ASXL2: variants seen among roughly 807,000 people sequenced by gnomAD.
The protein encoded by ASXL2 is putative Polycomb group protein ASXL2.
Under a neutral mutation model 122.0 loss-of-function variants are expected in ASXL2, and 23 were observed. That is an observed-to-expected ratio of 0.19 (90% confidence interval 0.14 to 0.27). The LOEUF (loss-of-function observed/expected upper bound fraction) is 0.27, where lower values mean the gene tolerates loss of function less well. Among genes scored for constraint, ASXL2 ranks in the 10% least tolerant of loss-of-function variants. The pLI, the probability that ASXL2 is intolerant of heterozygous loss-of-function variation, is 1.00. For synonymous variants in ASXL2, 650 were observed against 637.0 expected, an observed-to-expected ratio of 1.02 and a Z score of -0.31; for missense variants, 1,518 against 1,713.8, an observed-to-expected ratio of 0.89 and a Z score of 2.02.
At chr2:25,796,507 G>C (rs2088912459) in intron 5 of ASXL2, among the ~76,000 whole-genome samples, 1 of 152,168 alleles carries the variant, frequency 6.6e-6, no homozygotes, top group Non-Finnish European at 1.5e-5. Flanking sequence ...GCAGTAATTA[G>C]GCAATAATTC....
In ASXL2 at chr2:25,744,243, T is replaced by C. The variant is rs1559498547; in HGVS notation, c.2094A>G (p.Gly698=). The change falls in exon 13 of 13, where the codon GGA becomes GGG. Residue 698 remains glycine (G), a synonymous_variant. Transcript: ENST00000435504. This position sits in a 1 kb window ranked among gnomAD's most constrained non-coding sequence, Gnocchi z 4.7. ...CTTCACCACCCTCTCCTGGACCTTG[T>C]CCACCCCCTGGGCCAGGTCCTGGAA... The part of the protein sequence containing the change: ...GTIPGPGPGG[G]QGPGEGGEGQ... 6.2e-7 allele frequency: 1 copy of C among 1,613,984 alleles called. No individual in the cohort carries two copies. The highest frequency in any genetic ancestry group is 8.5e-7 in the Non-Finnish European group (1 of 1,179,874).
chr2:25,811,427 T>C (rs928640386), intron 3 of ASXL2, among the ~76,000 whole-genome samples: 5 of 151,688 alleles, frequency 3.3e-5, no homozygotes, highest in Non-Finnish European at 7.4e-5. Context: ...ACAGAAAATA[T>C]ATGAAGCTAG....
chr2:25,835,089 G>A (rs1470848825), intron 3 of ASXL2, among the ~76,000 whole-genome samples: 1 of 134,338 alleles, frequency 7.4e-6, no homozygotes, highest in Non-Finnish European at 1.6e-5. Flanking sequence ...CTCTCAAAGT[G>A]CTGGGATTAC....
chr2:25,764,373 A>G (rs959879053), intron 8 of ASXL2, among the ~76,000 whole-genome samples: 3 of 152,316 alleles, frequency 2.0e-5, no homozygotes, highest in Non-Finnish European at 2.9e-5. Flanking sequence ...CATTGGAAGG[A>G]GAAGAACTGT....
rs991912431 is a variant in ASXL2 at position 25,860,001 on chromosome 2, T to C, written c.58-14438A>G. Among the ~76,000 whole-genome samples, 11 of 152,222 alleles carry C rather than the reference T, an allele frequency of 7.2e-5. No homozygotes were observed. In the East Asian group the frequency reaches 1.7e-3, roughly 24 times the overall value. The stretch of plus-strand genomic sequence containing the variant: ...GAGTTTGAGACCAGCCTAGGCAACA[T>C]AGCAAAACATTGTCTCTTAAAAATA... On this transcript the variant is annotated intron_variant, in intron 1 of 12. Coordinates refer to ENST00000435504, the MANE Select transcript of ASXL2 (RefSeq NM_018263.6).
rs1312383291 is a variant in ASXL2 at position 25,739,788 on chromosome 2, T to C, written c.*2241A>G. The C allele has an allele frequency of 4.5e-6, 1 of 221,624 alleles. No homozygotes were observed. Among genetic ancestry groups the C allele is most frequent in the East Asian group, 6.6e-5 (1 of 15,230 alleles). The allele number at this position is 221,624 out of a possible 1,614,324, so 13.7% of individuals were successfully genotyped here. ...GAAAACCTTTCTGACAGGAAAAAGG[T>C]AAAGCAGAAAAATCACTTTCATCAA... On this transcript the variant is annotated 3_prime_UTR_variant, in exon 13 of 13. Transcript: ENST00000435504.
intron 1 of ASXL2, 41 bp downstream of exon 1, chr2:25,878,125 C>T: frequency 6.2e-7 from 1 of 1,612,684 alleles, no homozygotes; most frequent in Non-Finnish European, 8.5e-7. Flanking sequence ...GACAAGGGAA[C>T]AAAATCCTCC....
chr2:25,876,647 T>C (rs574735038), intron 1 of ASXL2, among the ~76,000 whole-genome samples: 126 of 152,344 alleles, frequency 8.3e-4, no homozygotes, highest in African/African-American at 2.9e-3. Context: ...TCTTGAGGTA[T>C]ACTGAGAGTA....
rs2088797456 is a variant in ASXL2, at chr2:25,789,460, G to C, written c.403+9925C>G. Among the ~76,000 whole-genome samples, 5 of 152,166 alleles carry C rather than the reference G, an allele frequency of 3.3e-5. 1 individual carries two copies. In the South Asian group the frequency reaches 1.0e-3, roughly 32 times the overall value. ...GTTAGAGTGGTTATTTTGGAGCAAT[G>C]GGTGTGACCAGAAGAGAGCTCAGGG... On this transcript the variant is annotated intron_variant, in intron 5 of 12. Transcript: ENST00000435504.
At position 25,756,117 on chromosome 2, in the gene ASXL2, G is replaced by A; in HGVS notation, c.940-3C>T. Reference sequence around the variant, plus strand: ...TTCATTAAACCATCTGGACCAACCTGGGTCAAAGAATAAGCCAAGGAAAGC... The same window carrying A: ...TTCATTAAACCATCTGGACCAACCTAGGTCAAAGAATAAGCCAAGGAAAGC... On this transcript the variant is annotated splice_region_variant and splice_polypyrimidine_tract_variant and intron_variant, in intron 9 of 12. Transcript: ENST00000435504. The A allele has an allele frequency of 2.5e-6, 4 of 1,574,124 alleles. No homozygotes were observed. Among genetic ancestry groups the A allele is most frequent in the African/African-American group, 1.4e-5 (1 of 72,608 alleles).
chr2:25,828,024 C>T (rs2089399152), intron 3 of ASXL2, among the ~76,000 whole-genome samples: 1 of 146,112 alleles, frequency 6.8e-6, no homozygotes, highest in Admixed American at 6.8e-5. Context: ...AACAAGTGGG[C>T]AAAACAGTTT....
chr2:25,862,595 TTTTG>T (rs751773039), intron 1 of ASXL2, among the ~76,000 whole-genome samples: 43 of 152,194 alleles, frequency 2.8e-4, no homozygotes, highest in East Asian at 9.6e-4. Context: ...TAATTTGTGG[TTTTG>T]TTTGTTTGTT....
At chr2:25,865,336 G>A (rs1303213681) in intron 1 of ASXL2, among the ~76,000 whole-genome samples, 1 of 151,934 alleles carries the variant, frequency 6.6e-6, no homozygotes, top group Admixed American at 6.6e-5. Flanking sequence ...GGAGGTGGAA[G>A]CACAAAAATT....
chr2:25,804,247 T>C lies in ASXL2; in HGVS notation c.252+1982A>G, dbSNP rs1345501296. Among the ~76,000 whole-genome samples, 2 of 152,324 alleles carry C rather than the reference T, an allele frequency of 1.3e-5. 1 individual carries two copies. The highest frequency in any genetic ancestry group is 4.8e-5 in the African/African-American group (2 of 41,572). ...TCAAAGCTAAAAGGTAACACATATA[T>C]GCATGGACACAGTCACTGCCTACCA... is the stretch of plus-strand genomic sequence containing the variant. On this transcript the variant is annotated intron_variant, in intron 4 of 12. Transcript: ENST00000435504.
intron 5 of ASXL2, among the ~76,000 whole-genome samples, chr2:25,774,642 G>A (rs115586626): frequency 0.049 from 7,417 of 152,184 alleles, 246 homozygotes; most frequent in Non-Finnish European, 0.071. Flanking sequence ...TTTCATCTGG[G>A]AATATTAGGA....
At chr2:25,849,530 G>A (rs991230784) in intron 1 of ASXL2, among the ~76,000 whole-genome samples, 91 of 151,370 alleles carry the variant, frequency 6.0e-4, no homozygotes, top group African/African-American at 2.0e-3. Flanking sequence ...GCTGGAGTGC[G>A]GTGGTGCAAT....
chr2:25,814,818 G>A (rs1187576307), intron 3 of ASXL2, among the ~76,000 whole-genome samples: 2 of 152,088 alleles, frequency 1.3e-5, no homozygotes, highest in African/African-American at 4.8e-5. Context: ...TTAATGAAAG[G>A]AGTCATCACT....
intron 1 of ASXL2, among the ~76,000 whole-genome samples, chr2:25,860,421 GAA>G (rs1356019402): frequency 1.3e-5 from 2 of 151,382 alleles, no homozygotes; most frequent in Admixed American, 6.6e-5. Context: ...GCATGTATTA[GAA>G]AAAGAGATCT....
At chr2:25,853,125 C>G (rs770943247) in intron 1 of ASXL2, among the ~76,000 whole-genome samples, 1 of 152,166 alleles carries the variant, frequency 6.6e-6, no homozygotes, top group Non-Finnish European at 1.5e-5. Context: ...ATTTCACATA[C>G]GGTTTTTGAC....
Sources: gnomAD v4.1 joint callset for allele counts (sites outside exome capture counted in the v4.1 genomes callset) on GRCh38, gnomAD v4.1.1 for gene constraint, Gnocchi (gnomAD v3.1) non-coding constraint, MANE v1.5 for transcripts, NCBI Gene and HGNC (gene_info 2026-07-23, HGNC 2026-07-21) for gene names.